Variants in PARP10 observed in about 807,000 individuals in gnomAD.
PARP10 encodes the protein poly(ADP-ribose) polymerase family member 10.
A neutral mutation model predicts 82.4 loss-of-function variants in PARP10; 56 were observed. That is an observed-to-expected ratio of 0.68 (90% CI 0.55 to 0.85). The LOEUF (loss-of-function observed/expected upper bound fraction) is 0.85. Ranked by LOEUF, PARP10 falls within the 40% of genes least tolerant of loss-of-function variation. The pLI is 0.00. For synonymous variants in PARP10, 576 were observed against 601.1 expected (o/e 0.96, Z 0.61); for missense variants, 1,227 against 1,379.4 (o/e 0.89, Z 1.75).
At chr8:143,992,072 T>C (rs782592422), upstream of PARP10, 2 of 1,613,702 alleles carry the variant, frequency 1.2e-6, no homozygotes, top group African/African-American at 2.7e-5. Context: ...GGAACCTTGT[T>C]GCACTGGTAA....
chr8:144,007,886 T>C lies in PARP10; in HGVS notation c.-80+4644A>G, dbSNP rs180747003. ...TGGCCCCGCCTGCTGGATGGGGTAC[T>C]ACCTGCCTCGGGGGCTTGTTAGGAC... On this transcript the variant is annotated intron_variant, in intron 1 of 3. Transcript: ENST00000530478. Among the ~76,000 whole-genome samples, 414 of 152,312 alleles carry C rather than the reference T, an allele frequency of 2.7e-3. 4 individuals are homozygous for C. The highest frequency in any genetic ancestry group is 0.01 in the Middle Eastern group (3 of 294).
chr8:143,985,402 C>T lies in PARP10; in HGVS notation c.673+10G>A, dbSNP rs1554749043. 6.2e-7 allele frequency: 1 copy of T among 1,605,416 alleles called. No homozygotes were observed. The highest frequency in any genetic ancestry group is 1.7e-5 in the Admixed American group (1 of 58,800). On this transcript the variant is annotated intron_variant, in intron 4 of 10. Transcript: ENST00000313028. ...GGGACGGTCGGCTGGGTCTGCCCAG[C>T]CCCACTCACCTTGCCACTGCTGGAA...
rs782689313 is a variant in PARP10, at chr8:143,983,443, C to G, written c.2146G>C (p.Glu716Gln). 4 of 1,605,738 alleles carry G rather than the reference C, an allele frequency of 2.5e-6. No homozygotes were observed. The South Asian group carries it at 4.4e-5, about 18-fold the overall frequency. ...CGGTCCAGCTCCTCCACATCCTGCT[C>G]AAAGGCCGAGTGCACCACCAGCTGG... ...KAQLVVHSAFEQDVEELDRAL... is the reference protein window; with the variant it reads ...KAQLVVHSAFQQDVEELDRAL... Residue 716 changes from glutamate to glutamine, a missense_variant, in exon 8 of 11, where the codon GAG becomes CAG. Transcript: ENST00000313028.
chr8:144,006,967 C>T (rs1362846521), intron 1 of PARP10, among the ~76,000 whole-genome samples: 1 of 152,230 alleles, frequency 6.6e-6, no homozygotes, highest in Non-Finnish European at 1.5e-5. Context: ...TCCACCTGCT[C>T]TCCATTCCAC....
Position 143,977,748 on chromosome 8 carries a change from A to G in PARP10, c.2814T>C (p.Asp938=). ...GTGCCACGAACACCGCCTTATGGCC[A>G]TCGGCGTTGGGGGGCGAGTAGCGGT... ...VQDRYSPPNA[D]GHKAVFVARV... is the part of the protein sequence containing the mutation. Residue 938 remains aspartate, a synonymous_variant, in exon 11 of 11, where the codon GAT becomes GAC. Coordinates refer to ENST00000313028, the MANE Select transcript of PARP10 (RefSeq NM_032789.5). The G allele has an allele frequency of 3.7e-6, 6 of 1,603,568 alleles. No individual in the cohort carries two copies. Among genetic ancestry groups the G allele is most frequent in the Non-Finnish European group, 5.1e-6 (6 of 1,175,846 alleles).
In PARP10 at chr8:143,986,188, A is replaced by G. The variant is rs1554749338; in HGVS notation, c.48T>C (p.Arg16=). ...CGTCGGGCACGGCAGGGGGCAGTCCACGGACCTCCACTGCCACCCCTGCCT... is the reference window on the plus strand; with the variant it reads ...CGTCGGGCACGGCAGGGGGCAGTCCGCGGACCTCCACTGCCACCCCTGCCT... ...EAEAGVAVEV[R]GLPPAVPDEL... Residue 16 remains arginine (R), a synonymous_variant, in exon 2 of 11, where the codon CGT becomes CGC. Transcript: ENST00000313028. The G allele has an allele frequency of 6.2e-7, 1 of 1,613,698 alleles. No homozygotes were observed. The highest frequency in any genetic ancestry group is 1.7e-5 in the Admixed American group (1 of 60,012).
chr8:144,003,026 T>C (rs1032027963), intron 1 of PARP10, among the ~76,000 whole-genome samples: 2 of 152,162 alleles, frequency 1.3e-5, no homozygotes, highest in African/African-American at 4.8e-5. Context: ...TACAAACCAA[T>C]GCAGGACAAT....
chr8:143,984,491 G>A, intron 5 of PARP10, 53 bp downstream of exon 5: 1 of 1,590,116 alleles, frequency 6.3e-7, no homozygotes, highest in Non-Finnish European at 8.6e-7. Flanking sequence ...GGTACTTTGA[G>A]TCCCCAGTAG....
At chr8:143,979,541 A>T (rs1833797439) in intron 9 of PARP10, among the ~76,000 whole-genome samples, 1 of 152,252 alleles carries the variant, frequency 6.6e-6, no homozygotes, top group African/African-American at 2.4e-5. Context: ...GCATATTAGG[A>T]CACACGAGAA....
chr8:143,986,636 C>CT (rs782099038), upstream of PARP10: 17 of 581,490 alleles, frequency 2.9e-5, no homozygotes, highest in Non-Finnish European at 4.0e-5. Flanking sequence ...CCCACCGGCC[C>CT]TACCTGGCCC....
intron 1 of PARP10, among the ~76,000 whole-genome samples, chr8:143,997,088 G>A (rs1834169850): frequency 6.6e-6 from 1 of 152,190 alleles, no homozygotes; most frequent in Non-Finnish European, 1.5e-5. Context: ...CCAGGCAGCA[G>A]GATGGCTTGG....
At position 143,985,305 on chromosome 8, in the gene PARP10, C is replaced by T. The variant is rs529833325; in HGVS notation, c.697G>A (p.Glu233Lys). 1 of 1,609,696 alleles carries T rather than the reference C, an allele frequency of 6.2e-7. No individual in the cohort carries two copies. The highest frequency in any genetic ancestry group is 1.3e-5 in the African/African-American group (1 of 74,942). Reference protein sequence around the residue: ...WQVAERVLQQEHRLQGSELSL... With the variant: ...WQVAERVLQQKHRLQGSELSL... ...AGCTCTGAGCCCTGCAACCGGTGCT[C>T]CTGCTGCAACACTCGTTCTGCCACT... Residue 233 changes from glutamate (E) to lysine (K), a missense_variant, in exon 5 of 11, where the codon GAG becomes AAG. Glu to Lys is a moderately conservative substitution (Grantham distance 56). Coordinates refer to ENST00000313028, the MANE Select transcript of PARP10 (RefSeq NM_032789.5).
At chr8:143,979,533 A>G (rs1833797179) in intron 9 of PARP10, among the ~76,000 whole-genome samples, 1 of 152,254 alleles carries the variant, frequency 6.6e-6, no homozygotes, top group Admixed American at 6.5e-5. Context: ...AAATAAGGGC[A>G]TATTAGGACA....
upstream of PARP10, chr8:143,990,515 C>G (rs1298429173): frequency 6.6e-6 from 1 of 152,336 alleles, no homozygotes; most frequent in Non-Finnish European, 1.5e-5. This position sits in a 1 kb window ranked among gnomAD's most constrained non-coding sequence, Gnocchi z 5.6. Flanking sequence ...CAGCCCCTAC[C>G]CGCCTCGCCC....
chr8:143,987,461 G>A (rs556078343), upstream of PARP10, among the ~76,000 whole-genome samples: 6 of 152,152 alleles, frequency 3.9e-5, no homozygotes, highest in South Asian at 2.1e-4. Flanking sequence ...AGCATCTCTC[G>A]CTAGGTAGCT....
At position 144,011,175 on chromosome 8, in the gene PARP10, C is replaced by T. The variant is rs59219432; in HGVS notation, c.-80+1355G>A. On this transcript the variant is annotated intron_variant, in intron 1 of 3. Transcript: ENST00000530478. This position sits in a 1 kb window ranked among gnomAD's most constrained non-coding sequence, Gnocchi z 4.5. ...TGTAACCATCACTGACTGCATCAAC[C>T]CAAGAGGCTAACAGTGAAATAAGAC... Among the ~76,000 whole-genome samples the T allele has an allele frequency of 0.012, 1,817 of 152,154 alleles. 41 individuals carry two copies. The highest frequency in any genetic ancestry group is 0.041 in the African/African-American group (1,711 of 41,502).
chr8:143,977,868 G>A (rs1554746702), intron 10 of PARP10, 38 bp from the exon 11 acceptor site: 2 of 1,598,382 alleles, frequency 1.3e-6, no homozygotes, highest in Admixed American at 1.7e-5. Flanking sequence ...GGTGGTCGGG[G>A]TGCGCAGAGC....
rs1833746174 is a variant in PARP10, at chr8:143,978,002, C to T, written c.2636G>A (p.Arg879His). 4 of 1,590,250 alleles carry T rather than the reference C, an allele frequency of 2.5e-6. No homozygotes were observed. The highest frequency in any genetic ancestry group is 3.5e-4 in the Middle Eastern group (2 of 5,796). ...GTGGTACAGCACCTGCTCCACCGGG[C>T]GCCGCTCGCATCGCTGCAGCAGGCG... The part of the protein sequence containing the change: ...RERLLQRCER[R>H]PVEQVLYHGT... The change falls in exon 10 of 11, where the codon CGC becomes CAC. Residue 879 changes from arginine to histidine, a missense_variant. Physicochemically the swap from Arg to His is conservative, Grantham distance 29. Transcript: ENST00000313028.
intron 1 of PARP10, among the ~76,000 whole-genome samples, chr8:144,001,873 CGTGTGTGTGT>C (rs57117824): frequency 5.9e-5 from 8 of 136,504 alleles, no homozygotes; most frequent in African/African-American, 1.1e-4. Flanking sequence ...AATATATATA[CGTGTGTGTGT>C]GTGTGTGTGT....
Sources: allele counts gnomAD v4.1 joint callset (sites outside exome capture counted in the v4.1 genomes callset), GRCh38; gene constraint gnomAD v4.1.1; non-coding constraint Gnocchi (gnomAD v3.1); transcripts MANE v1.5; gene names NCBI Gene and HGNC (gene_info 2026-07-23, HGNC 2026-07-21).